ASAP1: variants seen among roughly 807,000 people sequenced by gnomAD.
ASAP1 encodes the protein ArfGAP with SH3 domain, ankyrin repeat and PH domain 1, also known as arf-GAP with SH3 domain, ANK repeat and PH domain-containing protein 1.
ASAP1 carries 43 observed loss-of-function variants against 145.2 expected under a neutral mutation model. That is an observed-to-expected ratio of 0.30 (90% CI 0.23 to 0.38). The LOEUF is 0.38. ASAP1 is among the 10% of genes least tolerant of loss of function. The probability of loss-of-function intolerance (pLI) is 1.00; values close to 1 mark genes in which losing one functional copy is unlikely to be tolerated. For missense variants in ASAP1, 1,018 were observed against 1,355.3 expected (o/e 0.75, Z 3.91); for synonymous variants, 546 against 515.5 (o/e 1.06, Z -0.80).
chr8:130,232,168 G>A (rs554855386), intron 4 of ASAP1, among the ~76,000 whole-genome samples: 1 of 152,288 alleles, frequency 6.6e-6, no homozygotes, highest in South Asian at 2.1e-4. Flanking sequence ...AAATCACATG[G>A]CATCACCTCT....
intron 25 of ASAP1, among the ~76,000 whole-genome samples, chr8:130,081,344 T>C (rs1005271696): frequency 5.9e-5 from 9 of 152,200 alleles, no homozygotes; most frequent in African/African-American, 2.2e-4. Flanking sequence ...AGGGCAGTTG[T>C]GGAGCCCCAA....
At chr8:130,179,168 C>T (rs570192735) in intron 9 of ASAP1, 96 bp downstream of exon 9, 14 of 700,950 alleles carry the variant, frequency 2.0e-5, no homozygotes, top group Middle Eastern at 2.5e-4. Flanking sequence ...TATTTAGTCA[C>T]GAGATGAAGA....
chr8:130,167,712 T>G, intron 10 of ASAP1, 90 bp from the exon 11 acceptor site: 1 of 928,294 alleles, frequency 1.1e-6, no homozygotes, highest in Non-Finnish European at 1.7e-6. Context: ...ATCAAAATTC[T>G]ATTATATATT....
intron 3 of ASAP1, among the ~76,000 whole-genome samples, chr8:130,239,028 T>C (rs1004366421): frequency 1.3e-5 from 2 of 152,130 alleles, no homozygotes; most frequent in African/African-American, 4.8e-5. Flanking sequence ...AATAACTGTA[T>C]TGTAAAGAGT....
At chr8:130,351,740 T>TA (rs1164203105) in intron 3 of ASAP1, among the ~76,000 whole-genome samples, 1 of 152,156 alleles carries the variant, frequency 6.6e-6, no homozygotes, top group African/African-American at 2.4e-5. Flanking sequence ...ATGATGATGC[T>TA]AAACCATTCA....
At chr8:130,134,157 G>T in intron 15 of ASAP1, 139 bp downstream of exon 15, 1 of 570,320 alleles carries the variant, frequency 1.8e-6, no homozygotes, top group African/African-American at 1.9e-5. Context: ...AGCAACATGT[G>T]ATGGCCCACA....
intron 3 of ASAP1, among the ~76,000 whole-genome samples, chr8:130,269,114 G>C (rs1317922871): frequency 6.6e-6 from 1 of 152,168 alleles, no homozygotes; most frequent in East Asian, 1.9e-4. Flanking sequence ...CTTGAAACCA[G>C]AACAGGCCTT....
At chr8:130,326,369 C>T (rs1824330264) in intron 3 of ASAP1, among the ~76,000 whole-genome samples, 1 of 152,224 alleles carries the variant, frequency 6.6e-6, no homozygotes, top group South Asian at 2.1e-4. Context: ...CCACACTTTC[C>T]TACAACTTTT....
At chr8:130,399,608 T>A (rs1255748167) in intron 2 of ASAP1, among the ~76,000 whole-genome samples, 1 of 152,136 alleles carries the variant, frequency 6.6e-6, no homozygotes, top group Non-Finnish European at 1.5e-5. Flanking sequence ...TCTCACTTCA[T>A]CCACCCATTC....
At chr8:130,344,226 T>C (rs1019123739) in intron 3 of ASAP1, among the ~76,000 whole-genome samples, 1 of 152,152 alleles carries the variant, frequency 6.6e-6, no homozygotes, top group African/African-American at 2.4e-5. Flanking sequence ...TTGAAATATG[T>C]CCATGAATTT....
At chr8:130,135,646 G>A (rs2097592866) in intron 14 of ASAP1, among the ~76,000 whole-genome samples, 1 of 152,180 alleles carries the variant, frequency 6.6e-6, no homozygotes, top group Non-Finnish European at 1.5e-5. Flanking sequence ...TTTTTCTTCT[G>A]TAAAATGGAA....
At position 130,151,455 on chromosome 8, in the gene ASAP1, A is replaced by G. The variant is rs117805846; in HGVS notation, c.1080+1281T>C. On this transcript the variant is annotated intron_variant, in intron 13 of 29. Transcript: ENST00000518721. ...TAACTGTTAGACAGCCTCAATCATA[A>G]TTACAAACAGATCCAAGTCTGTAGA... 1.8e-3 allele frequency among the ~76,000 whole-genome samples: 267 copies of G among 151,198 alleles called. 1 individual carries two copies. The highest frequency in any genetic ancestry group is 0.014 in the Middle Eastern group (4 of 290).
chr8:130,281,926 C>A (rs995385510), intron 3 of ASAP1, among the ~76,000 whole-genome samples: 1 of 151,972 alleles, frequency 6.6e-6, no homozygotes, highest in Non-Finnish European at 1.5e-5. Context: ...GTTAGCGGGG[C>A]AAGGTGGCGG....
intron 27 of ASAP1, among the ~76,000 whole-genome samples, chr8:130,068,016 G>A (rs2097434053): frequency 1.3e-5 from 2 of 152,114 alleles, no homozygotes; most frequent in African/African-American, 2.4e-5. Flanking sequence ...AAAAGGGTGG[G>A]GGATCAGGAA....
chr8:130,138,251 T>C (rs535790203), intron 13 of ASAP1, among the ~76,000 whole-genome samples: 2 of 152,338 alleles, frequency 1.3e-5, no homozygotes, highest in South Asian at 2.1e-4. Context: ...TGGACCATTT[T>C]TCAAGATCTT....
chr8:130,297,002 T>C (rs1312829895), intron 3 of ASAP1, among the ~76,000 whole-genome samples: 2 of 151,972 alleles, frequency 1.3e-5, no homozygotes, highest in African/African-American at 4.8e-5. Context: ...AGACAAAGAA[T>C]CCCACACTCC....
At chr8:130,113,339 T>C (rs1449186306) in intron 23 of ASAP1, among the ~76,000 whole-genome samples, 1 of 152,190 alleles carries the variant, frequency 6.6e-6, no homozygotes, top group Admixed American at 6.5e-5. Flanking sequence ...TGTTCTGGAA[T>C]GATGCATTCC....
Position 130,094,583 on chromosome 8 carries a change from T to C in ASAP1, c.2402-2440A>G, listed in dbSNP as rs1382228008. ...ATTTTCATACTAACTCTGTGAAGTA[T>C]GTGGGTCAGGTAGTATTGTCCCCAT... On this transcript the variant is annotated intron_variant, in intron 24 of 29. Coordinates refer to ENST00000518721, the MANE Select transcript of ASAP1 (RefSeq NM_018482.4). Among the ~76,000 whole-genome samples the C allele has an allele frequency of 2.0e-5, 3 of 152,226 alleles. No individual in the cohort carries two copies. The South Asian group carries it at 6.2e-4, about 32-fold the overall frequency.
intron 14 of ASAP1, among the ~76,000 whole-genome samples, chr8:130,136,716 C>T (rs1034392576): frequency 6.6e-6 from 1 of 152,288 alleles, no homozygotes; most frequent in Non-Finnish European, 1.5e-5. Flanking sequence ...TGTACAAATC[C>T]TAGATTCTAT....
Sources: gnomAD v4.1 joint callset for allele counts (sites outside exome capture counted in the v4.1 genomes callset) on GRCh38, gnomAD v4.1.1 for gene constraint, MANE v1.5 for transcripts, NCBI Gene and HGNC (gene_info 2026-07-23, HGNC 2026-07-21) for gene names.